CNTNAP2: variants seen among roughly 807,000 people sequenced by gnomAD.
The protein encoded by CNTNAP2 is contactin-associated protein-like 2.
A neutral mutation model predicts 155.2 loss-of-function variants in CNTNAP2; 98 were observed. The ratio of observed to expected loss-of-function variants is 0.63; its 90% CI spans 0.54 to 0.75. The LOEUF is 0.75. CNTNAP2 is among the 30% of genes least tolerant of loss of function. CNTNAP2 has a pLI of 0.00. For synonymous variants in CNTNAP2, 651 were observed against 631.2 expected, an observed-to-expected ratio of 1.03 and a Z score of -0.47; for missense variants, 1,727 against 1,688.1, an observed-to-expected ratio of 1.02 and a Z score of -0.40.
chr7:148,058,433 G>A (rs1803064300), intron 15 of CNTNAP2, among the ~76,000 whole-genome samples: 1 of 152,164 alleles, frequency 6.6e-6, no homozygotes, highest in Non-Finnish European at 1.5e-5. Flanking sequence ...AATGTCCTGG[G>A]TGGCTTGTAG....
At chr7:147,132,618 A>T in intron 8 of CNTNAP2, 109 bp downstream of exon 8, 1 of 1,409,980 alleles carries the variant, frequency 7.1e-7, no homozygotes, top group Non-Finnish European at 9.9e-7. Flanking sequence ...ATTAGGTTTT[A>T]ATTCAGATCT....
intron 1 of CNTNAP2, among the ~76,000 whole-genome samples, chr7:146,190,151 C>G (rs1798681401): frequency 6.6e-6 from 1 of 152,150 alleles, no homozygotes; most frequent in Non-Finnish European, 1.5e-5. Flanking sequence ...ATGATGCAAA[C>G]CTCATGCGTT....
chr7:147,912,293 T>C (rs1258352962), intron 14 of CNTNAP2, among the ~76,000 whole-genome samples: 1 of 152,176 alleles, frequency 6.6e-6, no homozygotes, highest in Non-Finnish European at 1.5e-5. Flanking sequence ...AGATAAGGGT[T>C]AGCTCATGGG....
intron 1 of CNTNAP2, among the ~76,000 whole-genome samples, chr7:146,446,033 C>T (rs1796397246): frequency 6.6e-6 from 1 of 152,068 alleles, no homozygotes; most frequent in Admixed American, 6.6e-5. Context: ...AGAAGAATCA[C>T]ATTAACTCCA....
intron 12 of CNTNAP2, among the ~76,000 whole-genome samples, chr7:147,599,422 G>C (rs562773461): frequency 6.7e-6 from 1 of 149,192 alleles, no homozygotes; most frequent in Non-Finnish European, 1.5e-5. Flanking sequence ...GGTGGAGGTT[G>C]CGGTAAGCCA....
chr7:147,297,398 A>C (rs1794849979), intron 8 of CNTNAP2, among the ~76,000 whole-genome samples: 4 of 152,214 alleles, frequency 2.6e-5, no homozygotes, highest in Admixed American at 2.6e-4. Flanking sequence ...ATTAGTAAGT[A>C]TGCTAGTAAA....
chr7:146,223,237 C>T (rs78547629), intron 1 of CNTNAP2, among the ~76,000 whole-genome samples: 2,462 of 152,240 alleles, frequency 0.016, 22 homozygotes, highest in Non-Finnish European at 0.025. Context: ...TGTAGAGACT[C>T]GCATATTTCA....
chr7:146,813,369 A>G (rs2080038), intron 2 of CNTNAP2, among the ~76,000 whole-genome samples: 12,541 of 152,208 alleles, frequency 0.082, 1,595 homozygotes, highest in African/African-American at 0.27. Context: ...TCTTGCATCA[A>G]TGTGACCTAG....
intron 20 of CNTNAP2, among the ~76,000 whole-genome samples, chr7:148,252,695 C>T (rs1412018551): frequency 1.3e-5 from 2 of 152,188 alleles, no homozygotes; most frequent in African/African-American, 2.4e-5. Flanking sequence ...CTTCTCATAG[C>T]CCTTCACGCC....
At chr7:148,015,791 A>G (rs953445763) in intron 15 of CNTNAP2, among the ~76,000 whole-genome samples, 4 of 152,250 alleles carry the variant, frequency 2.6e-5, no homozygotes, top group Non-Finnish European at 5.9e-5. Flanking sequence ...TTTTCAATCC[A>G]GAAGACAAAG....
At chr7:148,098,967 G>T (rs574885371) in intron 15 of CNTNAP2, among the ~76,000 whole-genome samples, 1 of 152,276 alleles carries the variant, frequency 6.6e-6, no homozygotes, top group African/African-American at 2.4e-5. Flanking sequence ...AGTGTTTATT[G>T]GCCATCTGTC....
chr7:147,750,263 G>GA (rs559030939), intron 13 of CNTNAP2, among the ~76,000 whole-genome samples: 27 of 152,170 alleles, frequency 1.8e-4, no homozygotes, highest in East Asian at 1.7e-3. Flanking sequence ...TTATTAAATG[G>GA]AAAAAATGTT....
At chr7:146,710,220 A>G (rs1278710253) in intron 1 of CNTNAP2, among the ~76,000 whole-genome samples, 1 of 152,166 alleles carries the variant, frequency 6.6e-6, no homozygotes, top group Non-Finnish European at 1.5e-5. Flanking sequence ...CAAACACAAA[A>G]TCTAAGAACT....
chr7:147,506,317 G>A (rs186909236), intron 11 of CNTNAP2, among the ~76,000 whole-genome samples: 5 of 152,238 alleles, frequency 3.3e-5, no homozygotes, highest in Middle Eastern at 3.4e-3. Flanking sequence ...GTGCAATGGC[G>A]CGATCTCGGC....
At chr7:146,534,771 T>A (rs956635853) in intron 1 of CNTNAP2, among the ~76,000 whole-genome samples, 2 of 151,728 alleles carry the variant, frequency 1.3e-5, no homozygotes, top group African/African-American at 4.8e-5. Flanking sequence ...AGTCAATACC[T>A]CCTGTCTGTC....
intron 21 of CNTNAP2, among the ~76,000 whole-genome samples, chr7:148,369,643 CATTATT>C (rs10694264): frequency 0.061 from 8,726 of 143,418 alleles, 317 homozygotes; most frequent in Middle Eastern, 0.085. Flanking sequence ...TGTTCTTTAT[CATTATT>C]ATTATTATTA....
At chr7:146,916,797 T>G (rs768969357) in intron 3 of CNTNAP2, among the ~76,000 whole-genome samples, 2 of 152,152 alleles carry the variant, frequency 1.3e-5, no homozygotes, top group Non-Finnish European at 2.9e-5. Flanking sequence ...TTTTGTATTT[T>G]TTGTTTGTTT....
intron 12 of CNTNAP2, among the ~76,000 whole-genome samples, chr7:147,587,290 C>T (rs566201093): frequency 1.3e-5 from 2 of 152,264 alleles, no homozygotes; most frequent in African/African-American, 2.4e-5. Context: ...GTCTAGAGCT[C>T]ATAAGACTGG....
chr7:148,395,150 CT>C (rs71188978), intron 22 of CNTNAP2, among the ~76,000 whole-genome samples: 39,068 of 133,898 alleles, frequency 0.29, 5,989 homozygotes, highest in African/African-American at 0.43. Flanking sequence ...GATTATGTGG[CT>C]TTTTTTTTTT....
Sources: gnomAD v4.1 joint callset for allele counts (sites outside exome capture counted in the v4.1 genomes callset) on GRCh38, gnomAD v4.1.1 for gene constraint, MANE v1.5 for transcripts, NCBI Gene and HGNC (gene_info 2026-07-23, HGNC 2026-07-21) for gene names.